NCOA1: variants seen among roughly 807,000 people sequenced by gnomAD.
The protein encoded by NCOA1 is nuclear receptor coactivator 1, also known as Hin-2 protein.
Under a neutral mutation model 150.9 loss-of-function variants are expected in NCOA1, and 35 were observed. The observed-to-expected ratio is 0.23, with a 90% CI of 0.18 to 0.31. The LOEUF (loss-of-function observed/expected upper bound fraction) is 0.31, where lower values mean the gene tolerates loss of function less well. NCOA1 is among the 10% of genes least tolerant of loss of function. The pLI, the probability that NCOA1 is intolerant of heterozygous loss-of-function variation, is 1.00. For synonymous variants in NCOA1, 590 were observed against 630.0 expected (o/e 0.94, Z 0.95); for missense variants, 1,491 against 1,749.3 (o/e 0.85, Z 2.63).
intron 3 of NCOA1, 147 bp from the exon 4 acceptor site, chr2:24,643,818 TC>T (rs1416045132): frequency 2.0e-5 from 3 of 152,212 alleles, no homozygotes; most frequent in Non-Finnish European, 2.9e-5. Context: ...AGATCTTTAT[TC>T]ATTGTCTTTT....
chr2:24,704,816 T>A (rs1422759797), intron 11 of NCOA1, among the ~76,000 whole-genome samples: 1 of 151,892 alleles, frequency 6.6e-6, no homozygotes, highest in African/African-American at 2.4e-5. Flanking sequence ...TTCCCAGATT[T>A]GGGGTTTTCT....
chr2:24,508,239 G>A (rs544270254), intron 1 of NCOA1, among the ~76,000 whole-genome samples: 1 of 151,514 alleles, frequency 6.6e-6, no homozygotes, highest in Admixed American at 6.6e-5. Flanking sequence ...TTTGACTTTT[G>A]CTCCAGCCAT....
At chr2:24,645,335 CAAA>C (rs549749004) in intron 4 of NCOA1, among the ~76,000 whole-genome samples, 1 of 80,348 alleles carries the variant, frequency 1.2e-5, no homozygotes. Context: ...ACTAAAAATA[CAAA>C]AAAAAAAAAA....
intron 2 of NCOA1, among the ~76,000 whole-genome samples, chr2:24,566,580 C>T (rs1558799308): frequency 6.6e-6 from 1 of 151,964 alleles, no homozygotes; most frequent in Admixed American, 6.6e-5. Context: ...TTCCAGTCCA[C>T]AGGACTGGCA....
chr2:24,540,517 G>A (rs925969003), intron 1 of NCOA1, among the ~76,000 whole-genome samples: 9 of 151,284 alleles, frequency 5.9e-5, no homozygotes, highest in Non-Finnish European at 7.4e-5. Flanking sequence ...GGAGTGCAGT[G>A]GTGCGATCTT....
intron 4 of NCOA1, among the ~76,000 whole-genome samples, chr2:24,655,858 G>A (rs754977071): frequency 6.6e-6 from 1 of 152,124 alleles, no homozygotes; most frequent in Non-Finnish European, 1.5e-5. Flanking sequence ...GGAGGCCGAG[G>A]TGGGCAGATC....
chr2:24,642,146 A>T lies in NCOA1; in HGVS notation c.-174-1820A>T, dbSNP rs537070762. 2.0e-5 allele frequency among the ~76,000 whole-genome samples: 3 copies of T among 151,314 alleles called. No individual in the cohort carries two copies. In the South Asian group the frequency reaches 6.2e-4, roughly 31 times the overall value. ...CTTCTTCAGACTGGGTATTATTTTC[A>T]TTTCAAGTTCACTGACTTGTTTTTC... On this transcript the variant is annotated intron_variant, in intron 3 of 22. Transcript: ENST00000348332.
chr2:24,642,037 T>TGTGTGTGC lies in NCOA1; in HGVS notation c.-174-1928_-174-1927insTGTGTGCG, dbSNP rs942145000. On this transcript the variant is annotated intron_variant, in intron 3 of 22. Transcript: ENST00000348332. ...GTGTGTGTGTGTGTGTGTGTGTGTG[T>TGTGTGTGC]GCGCGCGTGCGTATGTGTGTGTGTA... Among the ~76,000 whole-genome samples, 274 of 138,532 alleles carry TGTGTGTGC rather than the reference T, an allele frequency of 2.0e-3. 1 individual carries two copies. The highest frequency in any genetic ancestry group is 3.4e-3 in the African/African-American group (135 of 39,154). 90.9% of individuals were successfully genotyped at this position (138,532 alleles called of 152,430 possible). A position where few individuals can be genotyped will look rare whatever the true frequency, so the allele number is the denominator to read the frequency against.
chr2:24,511,819 C>CT (rs1319773790), intron 1 of NCOA1, among the ~76,000 whole-genome samples: 1 of 150,932 alleles, frequency 6.6e-6, no homozygotes, highest in Non-Finnish European at 1.5e-5. Flanking sequence ...AAATTTATGT[C>CT]TTTTTTTTCT....
intron 12 of NCOA1, among the ~76,000 whole-genome samples, chr2:24,705,988 G>A (rs188921670): frequency 6.6e-6 from 1 of 152,140 alleles, no homozygotes; most frequent in East Asian, 1.9e-4. Context: ...AGTGGAATTA[G>A]CACAGTTCTT....
At position 24,739,515 on chromosome 2, in the gene NCOA1, A is replaced by C; in HGVS notation, c.3285A>C (p.Gln1095His). The stretch of plus-strand genomic sequence containing the variant: ...GCATCAATATGAGATCAGGCATGCA[A>C]CAGCAAATTACACCTCAGGTAATGT... ...PVGINMRSGM[Q>H]QQITPQPPLN... Residue 1095 changes from glutamine (Q) to histidine (H), a missense_variant, in exon 18 of 23, where the codon CAA becomes CAC. Physicochemically the swap from Gln to His is conservative, Grantham distance 24 (BLOSUM62 0). Transcript: ENST00000348332. The C allele has an allele frequency of 6.2e-7, 1 of 1,613,244 alleles. No homozygotes were observed. The highest frequency in any genetic ancestry group is 8.5e-7 in the Non-Finnish European group (1 of 1,179,200).
intron 8 of NCOA1, among the ~76,000 whole-genome samples, chr2:24,683,362 T>C (rs1442396224): frequency 1.3e-5 from 2 of 152,326 alleles, no homozygotes; most frequent in Admixed American, 1.3e-4. Flanking sequence ...ACTGTGTGAA[T>C]TGTTTTCAAT....
At chr2:24,551,472 AT>A (rs964620753) in intron 1 of NCOA1, among the ~76,000 whole-genome samples, 27 of 151,170 alleles carry the variant, frequency 1.8e-4, no homozygotes, top group Admixed American at 4.6e-4. Flanking sequence ...ATAAAGTGTT[AT>A]TTTTTTTTCT....
intron 1 of NCOA1, among the ~76,000 whole-genome samples, chr2:24,521,630 C>T (rs1175784309): frequency 6.6e-6 from 1 of 152,096 alleles, no homozygotes; most frequent in African/African-American, 2.4e-5. Flanking sequence ...TCTATTAGTC[C>T]ATCTTTGGAT....
In NCOA1 at chr2:24,491,313, G is replaced by C. The variant is rs2148049879; in HGVS notation, c.-685G>C. Among the ~76,000 whole-genome samples, 1 of 147,684 alleles carries C rather than the reference G, an allele frequency of 6.8e-6. No homozygotes were observed. Among genetic ancestry groups the C allele is most frequent in the South Asian group, 2.1e-4 (1 of 4,786 alleles). On this transcript the variant is annotated 5_prime_UTR_variant, in exon 1 of 23. Coordinates refer to ENST00000348332, the MANE Select transcript of NCOA1 (RefSeq NM_003743.5). ...GCCGCGGAGAGCGGCTGAAATGCCTGTTCTTCAGGCCGGGCGAGCGGGAGT... is the reference window on the plus strand; with the variant it reads ...GCCGCGGAGAGCGGCTGAAATGCCTCTTCTTCAGGCCGGGCGAGCGGGAGT...
chr2:24,628,197 C>T (rs908496758), intron 3 of NCOA1, among the ~76,000 whole-genome samples: 6 of 151,388 alleles, frequency 4.0e-5, no homozygotes, highest in East Asian at 3.9e-4. Context: ...CTACTTGGGA[C>T]GCTGAGGCAG....
In NCOA1 at chr2:24,637,745, G is replaced by T. The variant is rs548552950; in HGVS notation, c.-174-6221G>T. Among the ~76,000 whole-genome samples, 518 of 152,184 alleles carry T rather than the reference G, an allele frequency of 3.4e-3. 4 individuals are homozygous for T. The highest frequency in any genetic ancestry group is 6.1e-3 in the Non-Finnish European group (416 of 68,008). Reference sequence around the variant, plus strand: ...AGTTTTGCTCTTCTTGCCCAGGCTGGAGTGCAATGGCATGATTTCGGCTCA... The same window carrying T: ...AGTTTTGCTCTTCTTGCCCAGGCTGTAGTGCAATGGCATGATTTCGGCTCA... On this transcript the variant is annotated intron_variant, in intron 3 of 22. Transcript: ENST00000348332.
chr2:24,768,399 T>TA lies in NCOA1; in HGVS notation c.*11dup. 6.3e-7 allele frequency: 1 copy of TA among 1,575,606 alleles called. No homozygotes were observed. Among genetic ancestry groups the TA allele is most frequent in the Non-Finnish European group, 8.6e-7 (1 of 1,156,852 alleles). ...CAGCTACTGACTGAATAACCACTTT[T>TA]AAAGGAATGTGAAATTTAAATAATA... On this transcript the variant is annotated 3_prime_UTR_variant, in exon 23 of 23. Coordinates refer to ENST00000348332, the MANE Select transcript of NCOA1 (RefSeq NM_003743.5).
chr2:24,562,709 G>A (rs940298456), intron 1 of NCOA1, among the ~76,000 whole-genome samples: 1 of 152,180 alleles, frequency 6.6e-6, no homozygotes, highest in East Asian at 1.9e-4. Flanking sequence ...TCTCTAGCAG[G>A]TGATTGGATT....
Sources: allele counts gnomAD v4.1 joint callset (sites outside exome capture counted in the v4.1 genomes callset), GRCh38; gene constraint gnomAD v4.1.1; transcripts MANE v1.5; gene names NCBI Gene and HGNC (gene_info 2026-07-23, HGNC 2026-07-21).